Variants in SRC observed in about 807,000 individuals in gnomAD.
The protein encoded by SRC is SRC proto-oncogene, non-receptor tyrosine kinase, also known as proto-oncogene tyrosine-protein kinase Src.
Under a neutral mutation model 62.9 loss-of-function variants are expected in SRC, and 13 were observed. The observed-to-expected ratio is 0.21, with a 90% CI of 0.13 to 0.33. SRC has a LOEUF of 0.33. SRC is among the 10% of genes least tolerant of loss of function. The probability of loss-of-function intolerance (pLI) is 1.00; values close to 1 mark genes in which losing one functional copy is unlikely to be tolerated. For synonymous variants in SRC, 302 were observed against 317.5 expected, an observed-to-expected ratio of 0.95 and a Z score of 0.52; for missense variants, 457 against 737.3, an observed-to-expected ratio of 0.62 and a Z score of 4.40.
At chr20:37,367,458 T>C (rs2070081570) in intron 2 of SRC, among the ~76,000 whole-genome samples, 1 of 152,050 alleles carries the variant, frequency 6.6e-6, no homozygotes, top group Non-Finnish European at 1.5e-5. Flanking sequence ...TATATCTTCT[T>C]TGGAGGAATG....
intron 1 of SRC, among the ~76,000 whole-genome samples, chr20:37,356,525 G>T (rs80262287): frequency 0.019 from 2,943 of 152,052 alleles, 93 homozygotes; most frequent in African/African-American, 0.067. Flanking sequence ...AGTGGTGGGG[G>T]GCAGGGTGGG....
At chr20:37,371,471 CT>C (rs1340831711) in intron 2 of SRC, among the ~76,000 whole-genome samples, 1 of 151,658 alleles carries the variant, frequency 6.6e-6, no homozygotes, top group Non-Finnish European at 1.5e-5. Context: ...CTCTTTTTTT[CT>C]TGTTCAGTGT....
chr20:37,400,161 T>A lies in SRC; in HGVS notation c.906T>A (p.Pro302=). 6.2e-7 allele frequency: 1 copy of A among 1,613,422 alleles called. No individual in the cohort carries two copies. Among genetic ancestry groups the A allele is most frequent in the Non-Finnish European group, 8.5e-7 (1 of 1,179,742 alleles). Reference sequence around the variant, plus strand: ...GGGTGGCCATCAAAACCCTGAAGCCTGGCACGATGTCTCCAGAGGCCTTCC... The same window carrying A: ...GGGTGGCCATCAAAACCCTGAAGCCAGGCACGATGTCTCCAGAGGCCTTCC... The part of the protein sequence containing the change: ...TTRVAIKTLK[P]GTMSPEAFLQ... The change falls in exon 10 of 14, where the codon CCT becomes CCA. Residue 302 remains proline (P), a synonymous_variant. Coordinates refer to ENST00000373578, the MANE Select transcript of SRC (RefSeq NM_198291.3).
rs369569974 is a variant in SRC at position 37,393,961 on chromosome 20, C to T, written c.417C>T (p.Tyr139=). ...TGQTGYIPSN[Y]VAPSDSIQAE... ...AGACAGGCTACATCCCCAGCAACTA[C>T]GTGGCGCCCTCCGACTCCATCCAGG... The change falls in exon 6 of 14, where the codon TAC becomes TAT. Residue 139 remains tyrosine (Y), a synonymous_variant. Transcript: ENST00000373578. 4.6e-5 allele frequency: 74 copies of T among 1,613,966 alleles called. No homozygotes were observed. The highest frequency in any genetic ancestry group is 2.3e-5 in the Non-Finnish European group (27 of 1,180,026).
At chr20:37,359,507 A>C (rs1485147250) in intron 1 of SRC, among the ~76,000 whole-genome samples, 2 of 152,200 alleles carry the variant, frequency 1.3e-5, no homozygotes, top group African/African-American at 4.8e-5. Flanking sequence ...TTCACACCTC[A>C]AAGAAGCTCA....
At position 37,393,901 on chromosome 20, in the gene SRC, A is replaced by T. The variant is rs1286390606; in HGVS notation, c.357A>T (p.Gly119=). The T allele has an allele frequency of 6.2e-7, 1 of 1,613,396 alleles. No homozygotes were observed. Among genetic ancestry groups the T allele is most frequent in the Non-Finnish European group, 8.5e-7 (1 of 1,179,606 alleles). The change falls in exon 6 of 14, where the codon GGA becomes GGT. Residue 119 remains glycine (G), a synonymous_variant. Transcript: ENST00000373578. ...ERLQIVNNTE[G]DWWLAHSLST... is the part of the protein sequence containing the mutation. Reference sequence around the variant, plus strand: ...TCCTTCTGTCCCTGCTCAGAGAGGGAGACTGGTGGCTGGCCCACTCGCTCA... The same window carrying T: ...TCCTTCTGTCCCTGCTCAGAGAGGGTGACTGGTGGCTGGCCCACTCGCTCA...
At chr20:37,382,100 T>C (rs2070373153) in intron 2 of SRC, among the ~76,000 whole-genome samples, 1 of 152,164 alleles carries the variant, frequency 6.6e-6, no homozygotes, top group Non-Finnish European at 1.5e-5. Context: ...GGGGGCCTTT[T>C]CCCCACTCAT....
intron 1 of SRC, among the ~76,000 whole-genome samples, chr20:37,363,324 C>T (rs1055326368): frequency 5.9e-5 from 9 of 152,212 alleles, no homozygotes; most frequent in Admixed American, 3.9e-4. Flanking sequence ...CCAGCAGTGA[C>T]CCAGTTATAC....
chr20:37,368,518 C>CTTTTTTTTTTTTTTGTTTTTTTTTTTT (rs2070102489), intron 2 of SRC, among the ~76,000 whole-genome samples: 7 of 73,896 alleles, frequency 9.5e-5, no homozygotes, highest in East Asian at 4.7e-4. Context: ...CCTATATTTT[C>CTTTTTTTTTTTTTTGTTTTTTTTTTTT]TTTTTTTTTT....
chr20:37,393,092 A>G (rs1011906934), intron 5 of SRC, among the ~76,000 whole-genome samples: 9 of 150,282 alleles, frequency 6.0e-5, no homozygotes, highest in African/African-American at 2.5e-5. Context: ...CCCCATCCCC[A>G]TCACACCCCC....
At position 37,396,379 on chromosome 20, in the gene SRC, T is replaced by C; in HGVS notation, c.703+68T>C. 6.3e-7 allele frequency: 1 copy of C among 1,586,422 alleles called. No homozygotes were observed. Among genetic ancestry groups the C allele is most frequent in the East Asian group, 2.2e-5 (1 of 44,642 alleles). On this transcript the variant is annotated intron_variant, in intron 8 of 13. Coordinates refer to ENST00000373578, the MANE Select transcript of SRC (RefSeq NM_198291.3). The surrounding 1 kb of genome is among the most constrained non-coding windows in gnomAD (Gnocchi z 6.1). ...CAGCTGCAGACTCTGGGGAGGGGCC[T>C]TGGAGCCTAGAAGGGTGGGGACTTC...
intron 10 of SRC, among the ~76,000 whole-genome samples, chr20:37,400,951 T>G (rs2070727787): frequency 6.6e-6 from 1 of 152,172 alleles, no homozygotes; most frequent in Non-Finnish European, 1.5e-5. Flanking sequence ...ATTTCATACA[T>G]GGAATCTTTT....
Position 37,403,229 on chromosome 20 carries a change from G to C in SRC, c.1461G>C (p.Pro487=), listed in dbSNP as rs764788759. ...QVERGYRMPC[P]PECPESLHDL... ...AGCGGGGCTACCGGATGCCCTGCCCGCCGGAGTGTCCCGAGTCCCTGCACG... is the reference window on the plus strand; with the variant it reads ...AGCGGGGCTACCGGATGCCCTGCCCCCCGGAGTGTCCCGAGTCCCTGCACG... The change falls in exon 14 of 14, where the codon CCG becomes CCC. Residue 487 remains proline (P), a synonymous_variant. Coordinates refer to ENST00000373578, the MANE Select transcript of SRC (RefSeq NM_198291.3). The surrounding 1 kb of genome is among the most constrained non-coding windows in gnomAD (Gnocchi z 7.1). 6.3e-7 allele frequency: 1 copy of C among 1,578,076 alleles called. No individual in the cohort carries two copies. Among genetic ancestry groups the C allele is most frequent in the Non-Finnish European group, 8.6e-7 (1 of 1,164,248 alleles).
chr20:37,377,300 A>G (rs1204458571), intron 2 of SRC, among the ~76,000 whole-genome samples: 1 of 152,196 alleles, frequency 6.6e-6, no homozygotes, highest in Non-Finnish European at 1.5e-5. Context: ...CCCCATTTTA[A>G]AGGGGAGGAA....
intron 5 of SRC, among the ~76,000 whole-genome samples, chr20:37,387,919 C>T (rs1300033306): frequency 1.3e-5 from 2 of 152,186 alleles, no homozygotes; most frequent in Non-Finnish European, 2.9e-5. Flanking sequence ...CACCATTTTA[C>T]AGATGAGGAA....
upstream of SRC, chr20:37,344,770 G>A (rs2069695576): frequency 1.3e-5 from 2 of 152,230 alleles, no homozygotes; most frequent in East Asian, 1.9e-4. Flanking sequence ...TTCCCCTCTA[G>A]CCTCAGTTTA....
intron 10 of SRC, 22 bp from the exon 11 acceptor site, chr20:37,401,580 A>G: frequency 6.3e-7 from 1 of 1,594,406 alleles, no homozygotes; most frequent in Non-Finnish European, 8.6e-7. Flanking sequence ...CAGGAGCTGG[A>G]GCTGGGTCTC....
Position 37,397,963 on chromosome 20 carries a change from G to A in SRC, c.859+109G>A. On this transcript the variant is annotated intron_variant, in intron 9 of 13. Transcript: ENST00000373578. The surrounding 1 kb of genome is among the most constrained non-coding windows in gnomAD (Gnocchi z 4.1). Reference sequence around the variant, plus strand: ...TTAGCTGCCTCTGCTGGATGACGGGGCCCTGTTGTAAATCTGGAGCTCCCC... The same window carrying A: ...TTAGCTGCCTCTGCTGGATGACGGGACCCTGTTGTAAATCTGGAGCTCCCC... 1 of 1,362,130 alleles carries A rather than the reference G, an allele frequency of 7.3e-7. No homozygotes were observed. Among genetic ancestry groups the A allele is most frequent in the Non-Finnish European group, 9.8e-7 (1 of 1,023,442 alleles). 84.4% of individuals were successfully genotyped at this position (1,362,130 alleles called of 1,614,324 possible). A position where few individuals can be genotyped will look rare whatever the true frequency, so the allele number is the denominator to read the frequency against.
intron 2 of SRC, among the ~76,000 whole-genome samples, chr20:37,376,561 T>C (rs1327731682): frequency 6.6e-6 from 1 of 152,224 alleles, no homozygotes; most frequent in East Asian, 1.9e-4. Flanking sequence ...TGGAGTGCAA[T>C]GGCACAATGT....
Sources: allele counts gnomAD v4.1 joint callset (sites outside exome capture counted in the v4.1 genomes callset), GRCh38; gene constraint gnomAD v4.1.1; non-coding constraint Gnocchi (gnomAD v3.1); transcripts MANE v1.5; gene names NCBI Gene and HGNC (gene_info 2026-07-23, HGNC 2026-07-21).